Variants in AP3M1 observed in about 807,000 individuals in gnomAD.
The protein encoded by AP3M1 is adaptor related protein complex 3 subunit mu 1.
A neutral mutation model predicts 42.6 loss-of-function variants in AP3M1; 29 were observed. That is an observed-to-expected ratio of 0.68 (90% CI 0.51 to 0.93). The LOEUF is 0.93. Among genes scored for constraint, AP3M1 ranks in the 40% least tolerant of loss-of-function variants. The pLI is 0.00. For missense variants in AP3M1, 416 were observed against 510.2 expected, an observed-to-expected ratio of 0.82 and a Z score of 1.78; for synonymous variants, 178 against 175.3, an observed-to-expected ratio of 1.02 and a Z score of -0.12.
At chr10:74,137,145 C>T (rs185699650) in intron 2 of AP3M1, among the ~76,000 whole-genome samples, 51 of 152,168 alleles carry the variant, frequency 3.4e-4, no homozygotes, top group East Asian at 1.7e-3. Context: ...GAGGCTGAGG[C>T]GGGAGGATTG....
chr10:74,125,266 A>G lies in AP3M1; in HGVS notation c.1012-742T>C, dbSNP rs187174882. Among the ~76,000 whole-genome samples, 112 of 152,364 alleles carry G rather than the reference A, an allele frequency of 7.4e-4. No individual in the cohort carries two copies. In the South Asian group the frequency reaches 0.01, roughly 14 times the overall value. On this transcript the variant is annotated intron_variant, in intron 7 of 8. Transcript: ENST00000355264. ...AGTGCTGGGATTACAGGCGTAAGCC[A>G]CTGCGCCCAGCCTCTGTTTATTTTT...
rs771598529 is a variant in AP3M1, at chr10:74,133,949, G to A, written c.583+78C>T. The A allele has an allele frequency of 5.4e-4, 847 of 1,562,060 alleles. 2 individuals carry two copies. The highest frequency in any genetic ancestry group is 1.5e-3 in the Middle Eastern group (8 of 5,438). The stretch of plus-strand genomic sequence containing the variant: ...ATTACAGGCGTGAGCCACCGCGCCC[G>A]GCCAGGACTTCAGTTTTCTATTCAT... On this transcript the variant is annotated intron_variant, in intron 4 of 8. Transcript: ENST00000355264.
rs1163438208 is a variant in AP3M1, at chr10:74,138,201, T to C, written c.179A>G (p.Tyr60Cys). The C allele has an allele frequency of 1.2e-6, 2 of 1,614,152 alleles. No homozygotes were observed. The highest frequency in any genetic ancestry group is 8.5e-7 in the Non-Finnish European group (1 of 1,180,008). Residue 60 changes from tyrosine to cysteine, a missense_variant, in exon 2 of 9, where the codon TAC (tyrosine) becomes TGC (cysteine). Transcript: ENST00000355264. ...AGATACAAAGAAGAGCTTATCCCGG[T>C]AGATACTGATGAGGTAGTGGTGAGG... Reference protein sequence around the residue: ...STPHHYLISIYRDKLFFVSVI... With the variant: ...STPHHYLISICRDKLFFVSVI...
intron 6 of AP3M1, among the ~76,000 whole-genome samples, chr10:74,126,970 CAAAAAAAAAAA>C (rs58110411): frequency 3.1e-5 from 1 of 32,354 alleles, no homozygotes; most frequent in African/African-American, 1.2e-4. Flanking sequence ...GACGCCATCT[CAAAAAAAAAAA>C]AAAAAAAAAA....
intron 7 of AP3M1, among the ~76,000 whole-genome samples, chr10:74,124,765 T>C (rs1052534939): frequency 6.6e-6 from 1 of 152,190 alleles, no homozygotes; most frequent in African/African-American, 2.4e-5. Context: ...TGCTTAGCAT[T>C]ATTCATATGT....
At chr10:74,146,218 G>A (rs1267202272) in intron 1 of AP3M1, among the ~76,000 whole-genome samples, 1 of 152,190 alleles carries the variant, frequency 6.6e-6, no homozygotes, top group Non-Finnish European at 1.5e-5. Context: ...GGAAGGTGGA[G>A]GGAAGAGGGG....
In AP3M1 at chr10:74,134,074, G is replaced by T. The variant is rs1230363017; in HGVS notation, c.536C>A (p.Ala179Asp). 6.2e-7 allele frequency: 1 copy of T among 1,614,026 alleles called. No homozygotes were observed. Among genetic ancestry groups the T allele is most frequent in the Admixed American group, 1.7e-5 (1 of 60,000 alleles). ...TATTTCTTCAACAACATCAAAATAGGCTTCATTGTTTGTGTACTTTACCCC... is the reference window on the plus strand; with the variant it reads ...TATTTCTTCAACAACATCAAAATAGTCTTCATTGTTTGTGTACTTTACCCC... Reference protein sequence around the residue: ...RAGVKYTNNEAYFDVVEEIDA... With the variant: ...RAGVKYTNNEDYFDVVEEIDA... The change falls in exon 4 of 9, where the codon GCC (alanine) becomes GAC (aspartate). Residue 179 changes from alanine to aspartate, a missense_variant. Physicochemically the swap from Ala to Asp is moderately radical, Grantham distance 126 (BLOSUM62 -2). Transcript: ENST00000355264.
At chr10:74,140,168 T>G (rs901105472) in intron 1 of AP3M1, among the ~76,000 whole-genome samples, 2 of 152,204 alleles carry the variant, frequency 1.3e-5, no homozygotes, top group African/African-American at 2.4e-5. Flanking sequence ...GTCCCCCGGG[T>G]GCCAGGGCCC....
Position 74,141,466 on chromosome 10 carries a change from A to C in AP3M1, c.-3-3084T>G, listed in dbSNP as rs578165134. ...AAATAAATAAACAAGCCAATTAAAA[A>C]ATGGGCAAAGGATTTGAAAAGACAT... On this transcript the variant is annotated intron_variant, in intron 1 of 8. Transcript: ENST00000355264. Among the ~76,000 whole-genome samples, 62 of 152,306 alleles carry C rather than the reference A, an allele frequency of 4.1e-4. 1 individual carries two copies. Among genetic ancestry groups the C allele is most frequent in the South Asian group, 8.3e-4 (4 of 4,834 alleles).
chr10:74,138,375 A>G lies in AP3M1; in HGVS notation c.5T>C (p.Ile2Thr). MIHSLFLINCSG... is the reference protein window; with the variant it reads MTHSLFLINCSG... Reference sequence around the variant, plus strand: ...ACAGTTTATGAGAAATAGACTGTGGATCATTTTCTGTTGGGGCAAAGAAAG... The same window carrying G: ...ACAGTTTATGAGAAATAGACTGTGGGTCATTTTCTGTTGGGGCAAAGAAAG... The change falls in exon 2 of 9, where the codon ATC becomes ACC. Residue 2 changes from isoleucine (I) to threonine (T), a missense_variant. Coordinates refer to ENST00000355264, the MANE Select transcript of AP3M1 (RefSeq NM_012095.6). 6.2e-7 allele frequency: 1 copy of G among 1,609,060 alleles called. No individual in the cohort carries two copies. Among genetic ancestry groups the G allele is most frequent in the African/African-American group, 1.3e-5 (1 of 74,782 alleles).
chr10:74,147,918 G>C (rs1013796814), intron 1 of AP3M1, among the ~76,000 whole-genome samples: 4 of 152,184 alleles, frequency 2.6e-5, no homozygotes, highest in Non-Finnish European at 5.9e-5. Flanking sequence ...AGAATCACTT[G>C]AACTCTGGAG....
At chr10:74,126,126 T>C (rs759076743) in intron 7 of AP3M1, 22 bp downstream of exon 7, 2 of 1,612,420 alleles carry the variant, frequency 1.2e-6, no homozygotes, top group African/African-American at 2.7e-5. Flanking sequence ...ACTTGCTCAC[T>C]CTTGATTTGA....
rs545928771 is a variant in AP3M1 at position 74,145,431 on chromosome 10, TAACCTTCTATA to T, written c.-4+5313_-4+5323del. Reference sequence around the variant, plus strand: ...CTGTGCTTAGCTTTAAAACCCATCTTAACCTTCTATAATAGGAAAAGAGAGCTTACTTCTTC... The same window carrying T: ...CTGTGCTTAGCTTTAAAACCCATCTTATAGGAAAAGAGAGCTTACTTCTTC... On this transcript the variant is annotated intron_variant, in intron 1 of 8. Coordinates refer to ENST00000355264, the MANE Select transcript of AP3M1 (RefSeq NM_012095.6). Among the ~76,000 whole-genome samples, 93 of 152,362 alleles carry T rather than the reference TAACCTTCTATA, an allele frequency of 6.1e-4. 6 individuals are homozygous for T. In the East Asian group the frequency reaches 0.018, roughly 29 times the overall value.
chr10:74,143,697 G>A (rs1461309941), intron 1 of AP3M1, among the ~76,000 whole-genome samples: 2 of 152,118 alleles, frequency 1.3e-5, no homozygotes, highest in African/African-American at 2.4e-5. Flanking sequence ...TGTCATCTCA[G>A]AAAAGTTAGG....
chr10:74,137,265 A>AAACAAAACAG (rs1223851058), intron 2 of AP3M1, among the ~76,000 whole-genome samples: 1 of 152,006 alleles, frequency 6.6e-6, no homozygotes, highest in Non-Finnish European at 1.5e-5. Context: ...AAACAAAACA[A>AAACAAAACAG]AACAAGCAAA....
In AP3M1 at chr10:74,122,584, TATC is replaced by T. The variant is rs918952931; in HGVS notation, c.*1223_*1225del. 15 of 152,058 alleles carry T rather than the reference TATC, an allele frequency of 9.9e-5. No individual in the cohort carries two copies. The highest frequency in any genetic ancestry group is 3.6e-4 in the African/African-American group (15 of 41,382). 9.4% of individuals were successfully genotyped at this position (152,058 alleles called of 1,614,324 possible). On this transcript the variant is annotated 3_prime_UTR_variant, in exon 9 of 9. Transcript: ENST00000355264. ...TCCAAAACCACGGTGATCGGTAGAG[TATC>T]ATCAATGTTACCGAGGATTTTGTTT... is the stretch of plus-strand genomic sequence containing the variant.
intron 1 of AP3M1, 89 bp downstream of exon 1, chr10:74,150,666 A>C (rs1841540102): frequency 2.0e-5 from 3 of 153,634 alleles, no homozygotes; most frequent in African/African-American, 7.2e-5. Flanking sequence ...CCTAGAGCCC[A>C]GATCGGAGTC....
chr10:74,128,851 C>A, intron 6 of AP3M1: 1 of 343,204 alleles, frequency 2.9e-6, no homozygotes, highest in Non-Finnish European at 5.3e-6. Context: ...AATTTTTGCC[C>A]AGGTTATGTA....
intron 1 of AP3M1, among the ~76,000 whole-genome samples, chr10:74,142,159 T>G (rs571281306): frequency 1.3e-5 from 2 of 152,350 alleles, no homozygotes; most frequent in Non-Finnish European, 2.9e-5. Context: ...CCCTGCAATA[T>G]GGGGGACAAT....
Sources: allele counts gnomAD v4.1 joint callset (sites outside exome capture counted in the v4.1 genomes callset), GRCh38; gene constraint gnomAD v4.1.1; transcripts MANE v1.5; gene names NCBI Gene and HGNC (gene_info 2026-07-23, HGNC 2026-07-21).